The following TLCD4 variants were observed in gnomAD, a reference collection of about 807,000 sequenced individuals.
TLCD4 encodes TLC domain containing 4, also known as TLC domain-containing protein 4.
In TLCD4, 7 loss-of-function variants were observed where a neutral mutation model predicts 24.2. The ratio of observed to expected loss-of-function variants is 0.29; its 90% CI spans 0.16 to 0.54. The LOEUF is 0.54. TLCD4 is among the 20% of genes least tolerant of loss of function. The pLI, the probability that TLCD4 is intolerant of heterozygous loss-of-function variation, is 0.95. For missense variants in TLCD4, 259 were observed against 313.9 expected (o/e 0.82, Z 1.32); for synonymous variants, 103 against 106.4 (o/e 0.97, Z 0.20).
chr1:95,105,867 C>G, the TLCD4 span, among the ~76,000 whole-genome samples: 1 of 129,450 alleles, frequency 7.7e-6, no homozygotes, highest in Non-Finnish European at 1.6e-5. Flanking sequence ...TGCACTCCAG[C>G]CTGGGTGACA....
In TLCD4 at chr1:95,143,914, A is replaced by G; in HGVS notation, c.13A>G (p.Thr5Ala). MEIN[T>A]KLLISVTCIS... ...AGGTTGAAGAAATATGGAGATCAAC[A>G]CAAAACTGCTCATCAGTGTTACCTG... Residue 5 changes from threonine (T) to alanine (A), a missense_variant, in exon 2 of 7, where the codon ACA becomes GCA. Thr to Ala is a moderately conservative substitution (Grantham distance 58). Transcript: ENST00000370203. 2.0e-6 allele frequency: 3 copies of G among 1,476,054 alleles called. No homozygotes were observed. The highest frequency in any genetic ancestry group is 2.7e-6 in the Non-Finnish European group (3 of 1,112,852). The allele number at this position is 1,476,054 out of a possible 1,614,324, so 91.4% of individuals were successfully genotyped here.
At chr1:95,174,065 C>G (rs1477569404) in intron 6 of TLCD4, 176 bp downstream of exon 6, 1 of 884,866 alleles carries the variant, frequency 1.1e-6, no homozygotes, top group East Asian at 2.7e-5. Flanking sequence ...GAGTAACTTA[C>G]CCAAGTTTCC....
chr1:95,188,249 A>G (rs902360905), intron 6 of TLCD4, among the ~76,000 whole-genome samples: 4 of 152,034 alleles, frequency 2.6e-5, no homozygotes, highest in Admixed American at 6.6e-5. Context: ...TTAGCCGGGC[A>G]TGGTGGCGGG....
rs535363373 is a variant in TLCD4, at chr1:95,194,712, G to A, written c.*2844G>A. 6.6e-6 allele frequency: 1 copy of A among 152,076 alleles called. No homozygotes were observed. The highest frequency in any genetic ancestry group is 2.1e-4 in the South Asian group (1 of 4,818). The allele number at this position is 152,076 out of a possible 1,614,324, so 9.4% of individuals were successfully genotyped here. A position where few individuals can be genotyped will look rare whatever the true frequency, so the allele number is the denominator to read the frequency against. On this transcript the variant is annotated 3_prime_UTR_variant, in exon 7 of 7. Coordinates refer to ENST00000370203, the MANE Select transcript of TLCD4 (RefSeq NM_152487.3). ...TTCTTGTGAAACTTAAAAAATGAATGAAAACCAACTAATAGCATGCAAGAT... is the reference window on the plus strand; with the variant it reads ...TTCTTGTGAAACTTAAAAAATGAATAAAAACCAACTAATAGCATGCAAGAT...
At chr1:95,180,884 T>A (rs1317752635) in intron 6 of TLCD4, among the ~76,000 whole-genome samples, 1 of 152,202 alleles carries the variant, frequency 6.6e-6, no homozygotes, top group Non-Finnish European at 1.5e-5. Flanking sequence ...TGTCTGTGTT[T>A]GAGAAAATAG....
At chr1:95,180,624 C>T (rs1402242770) in intron 6 of TLCD4, among the ~76,000 whole-genome samples, 1 of 152,068 alleles carries the variant, frequency 6.6e-6, no homozygotes, top group African/African-American at 2.4e-5. Flanking sequence ...ATTTCTGCTG[C>T]TGAGTTATGC....
chr1:95,149,898 A>G (rs551263836), intron 3 of TLCD4, among the ~76,000 whole-genome samples: 1 of 152,260 alleles, frequency 6.6e-6, no homozygotes, highest in Admixed American at 6.5e-5. Flanking sequence ...CTTGTGCTAA[A>G]TCTTTCTATT....
intron 6 of TLCD4, among the ~76,000 whole-genome samples, chr1:95,181,777 G>A (rs997517541): frequency 1.3e-5 from 2 of 151,646 alleles, no homozygotes; most frequent in Admixed American, 6.6e-5. Context: ...ATGCCACCAC[G>A]CCCGGCTAAT....
At chr1:95,099,881 C>T in the TLCD4 span, among the ~76,000 whole-genome samples, 1 of 151,820 alleles carries the variant, frequency 6.6e-6, no homozygotes, top group African/African-American at 2.4e-5. Context: ...TCTATAATCC[C>T]AGCACTTTGG....
intron 5 of TLCD4, chr1:95,165,083 G>A (rs2100973893): frequency 6.6e-6 from 1 of 152,348 alleles, no homozygotes; most frequent in African/African-American, 2.4e-5. Flanking sequence ...GCTGCCCAGT[G>A]GCCTGGGGCT....
chr1:95,147,449 G>A (rs1292376367), intron 2 of TLCD4, among the ~76,000 whole-genome samples: 1 of 152,032 alleles, frequency 6.6e-6, no homozygotes, highest in African/African-American at 2.4e-5. Flanking sequence ...CAGATAAATT[G>A]GATTAATTAT....
intron 2 of TLCD4, among the ~76,000 whole-genome samples, chr1:95,145,686 CT>C (rs1442963208): frequency 6.6e-6 from 1 of 152,028 alleles, no homozygotes; most frequent in Non-Finnish European, 1.5e-5. Context: ...TTCCTCTTTC[CT>C]GTGGTTAGGA....
At position 95,194,137 on chromosome 1, in the gene TLCD4, T is replaced by C. The variant is rs776432155; in HGVS notation, c.*2269T>C. The C allele has an allele frequency of 1.1e-4, 17 of 152,272 alleles. No individual in the cohort carries two copies. The highest frequency in any genetic ancestry group is 5.2e-4 in the Admixed American group (8 of 15,308). 9.4% of individuals were successfully genotyped at this position (152,272 alleles called of 1,614,324 possible). On this transcript the variant is annotated 3_prime_UTR_variant, in exon 7 of 7. Coordinates refer to ENST00000370203, the MANE Select transcript of TLCD4 (RefSeq NM_152487.3). ...TACTTTCATTAATGTTACCCTTCAC[T>C]GGTATAGCCACTCACTAAATAAGTA...
chr1:95,104,728 A>G, the TLCD4 span, among the ~76,000 whole-genome samples: 2 of 150,932 alleles, frequency 1.3e-5, no homozygotes, highest in African/African-American at 4.9e-5. Context: ...AGCCCAGCCT[A>G]CTTTAAACAT....
chr1:95,160,704 T>C (rs998991965), intron 5 of TLCD4, among the ~76,000 whole-genome samples: 1 of 152,232 alleles, frequency 6.6e-6, no homozygotes, highest in African/African-American at 2.4e-5. Flanking sequence ...TGAGAGTTTT[T>C]CGCATGAAGG....
chr1:95,110,922 T>A, the TLCD4 span, among the ~76,000 whole-genome samples: 3 of 148,844 alleles, frequency 2.0e-5, no homozygotes, highest in Non-Finnish European at 1.5e-5. Context: ...TGGTGATTGA[T>A]AACATAAATT....
intron 5 of TLCD4, among the ~76,000 whole-genome samples, chr1:95,153,051 A>G (rs1289745676): frequency 6.6e-6 from 1 of 151,632 alleles, no homozygotes; most frequent in Admixed American, 6.6e-5. Flanking sequence ...TTCCAAGCCC[A>G]CCATATTATT....
At chr1:95,155,105 G>A (rs187845549) in intron 5 of TLCD4, among the ~76,000 whole-genome samples, 94 of 151,952 alleles carry the variant, frequency 6.2e-4, no homozygotes, top group African/African-American at 2.0e-3. Context: ...TCAGTATTTA[G>A]TACCATACTA....
chr1:95,190,573 C>T (rs1414370847), intron 6 of TLCD4, among the ~76,000 whole-genome samples: 1 of 152,040 alleles, frequency 6.6e-6, no homozygotes, highest in African/African-American at 2.4e-5. Flanking sequence ...ATGATCCACG[C>T]TCCTCAGCCT....
Sources: gnomAD v4.1 joint callset for allele counts (sites outside exome capture counted in the v4.1 genomes callset) on GRCh38, gnomAD v4.1.1 for gene constraint, MANE v1.5 for transcripts, NCBI Gene and HGNC (gene_info 2026-07-23, HGNC 2026-07-21) for gene names.